TPH2: variants seen among roughly 807,000 people sequenced by gnomAD.
TPH2 encodes the protein tryptophan 5-hydroxylase 2.
Under a neutral mutation model 59.1 loss-of-function variants are expected in TPH2, and 27 were observed. The ratio of observed to expected loss-of-function variants is 0.46; its 90% CI spans 0.34 to 0.63. The LOEUF (loss-of-function observed/expected upper bound fraction) is 0.63, where lower values mean the gene tolerates loss of function less well. Ranked by LOEUF, TPH2 falls within the 30% of genes least tolerant of loss-of-function variation. The pLI is 0.01. For synonymous variants in TPH2, 220 were observed against 210.5 expected (o/e 1.05, Z -0.39); for missense variants, 523 against 588.3 (o/e 0.89, Z 1.15).
chr12:71,953,644 G>A (rs996194751), intron 5 of TPH2, among the ~76,000 whole-genome samples: 2 of 152,172 alleles, frequency 1.3e-5, no homozygotes, highest in Admixed American at 6.5e-5. Flanking sequence ...ATTTAAGTGT[G>A]CAACAACCTG....
At chr12:71,997,427 TAC>T (rs917261655) in intron 8 of TPH2, among the ~76,000 whole-genome samples, 17 of 152,318 alleles carry the variant, frequency 1.1e-4, no homozygotes, top group African/African-American at 3.6e-4. Context: ...TTTCTACTTT[TAC>T]ACTTTCTGGG....
intron 5 of TPH2, among the ~76,000 whole-genome samples, chr12:71,955,542 T>C (rs1871470552): frequency 1.3e-5 from 2 of 152,206 alleles, no homozygotes; most frequent in Admixed American, 6.5e-5. Context: ...ATCCCAGCTT[T>C]ACCATTTACT....
chr12:71,941,304 G>A (rs1008252638), intron 1 of TPH2, among the ~76,000 whole-genome samples: 3 of 152,072 alleles, frequency 2.0e-5, no homozygotes, highest in South Asian at 2.1e-4. Flanking sequence ...CAGGCGTTAC[G>A]ACAGTCAGGT....
At chr12:71,948,513 C>A (rs1172422635) in intron 4 of TPH2, among the ~76,000 whole-genome samples, 1 of 152,134 alleles carries the variant, frequency 6.6e-6, no homozygotes, top group African/African-American at 2.4e-5. Context: ...TCCAGCCAGG[C>A]AAGAGAGGGG....
intron 7 of TPH2, among the ~76,000 whole-genome samples, chr12:71,987,044 C>T (rs1030579472): frequency 6.6e-6 from 1 of 152,178 alleles, no homozygotes; most frequent in Admixed American, 6.5e-5. Flanking sequence ...TTCCCACACA[C>T]GTTCTGTTTG....
chr12:71,954,735 A>G (rs1319915476), intron 5 of TPH2, among the ~76,000 whole-genome samples: 1 of 152,206 alleles, frequency 6.6e-6, no homozygotes, highest in African/African-American at 2.4e-5. Context: ...TTGGGGGAAC[A>G]ATCAGTGATA....
intron 1 of TPH2, among the ~76,000 whole-genome samples, chr12:71,940,597 G>T (rs1386086829): frequency 6.6e-6 from 1 of 152,114 alleles, no homozygotes; most frequent in Middle Eastern, 3.2e-3. Context: ...TGCATATAAA[G>T]AATATAAAAC....
At chr12:72,009,495 A>G (rs1321986034) in intron 8 of TPH2, among the ~76,000 whole-genome samples, 1 of 152,228 alleles carries the variant, frequency 6.6e-6, no homozygotes, top group Non-Finnish European at 1.5e-5. Context: ...GTGCTTTGTA[A>G]TATGGCTTTT....
Position 71,938,886 on chromosome 12 carries a change from C to A in TPH2, c.-101C>A. On this transcript the variant is annotated 5_prime_UTR_variant, in exon 1 of 11. Coordinates refer to ENST00000333850, the MANE Select transcript of TPH2 (RefSeq NM_173353.4). ...CCAGGGTTCTGGACAGCGCCCCAAG[C>A]AGGCAGCTGATCGCACGCCCCTTCC... 1.0e-6 allele frequency: 1 copy of A among 985,194 alleles called. No individual in the cohort carries two copies. Among genetic ancestry groups the A allele is most frequent in the Non-Finnish European group, 1.6e-6 (1 of 616,938 alleles). The allele number at this position is 985,194 out of a possible 1,614,324, so 61.0% of individuals were successfully genotyped here.
At chr12:72,026,192 C>T (rs1242848420) in intron 9 of TPH2, among the ~76,000 whole-genome samples, 1 of 151,474 alleles carries the variant, frequency 6.6e-6, no homozygotes, top group Admixed American at 6.6e-5. Flanking sequence ...ATCTTTCAGG[C>T]CAGAGATTAG....
chr12:71,998,104 G>T (rs570199369), intron 8 of TPH2, among the ~76,000 whole-genome samples: 20 of 152,284 alleles, frequency 1.3e-4, no homozygotes, highest in African/African-American at 4.6e-4. Flanking sequence ...TAACATAAAT[G>T]CTTTAAATGC....
chr12:71,992,063 GCTC>G, intron 7 of TPH2, among the ~76,000 whole-genome samples: 1 of 152,294 alleles, frequency 6.6e-6, no homozygotes, highest in East Asian at 1.9e-4. Flanking sequence ...TTTTTAAAAT[GCTC>G]CTCAAGTGAT....
chr12:71,989,965 T>A (rs199654614), intron 7 of TPH2, among the ~76,000 whole-genome samples: 8 of 134,776 alleles, frequency 5.9e-5, no homozygotes, highest in South Asian at 4.9e-4. Flanking sequence ...TTTTTTTTTT[T>A]AAATAAAAAG....
intron 8 of TPH2, among the ~76,000 whole-genome samples, chr12:72,018,127 A>C (rs773746719): frequency 3.3e-5 from 5 of 152,220 alleles, no homozygotes; most frequent in Non-Finnish European, 7.3e-5. Context: ...GGGCTGTAGA[A>C]ACAGCATTTA....
intron 7 of TPH2, among the ~76,000 whole-genome samples, chr12:71,982,926 A>T (rs1872324868): frequency 6.6e-6 from 1 of 152,220 alleles, no homozygotes. Context: ...TGGATTTTAA[A>T]CATATCTTTG....
intron 8 of TPH2, among the ~76,000 whole-genome samples, chr12:72,003,853 T>C (rs574029918): frequency 9.8e-5 from 15 of 152,340 alleles, no homozygotes; most frequent in Admixed American, 7.2e-4. Flanking sequence ...TCTTTCTTTG[T>C]TATTTAGAAC....
chr12:71,956,397 C>G (rs1871497480), intron 5 of TPH2, among the ~76,000 whole-genome samples: 1 of 150,650 alleles, frequency 6.6e-6, no homozygotes, highest in African/African-American at 2.4e-5. Flanking sequence ...TAACTTGTTC[C>G]CTCCCTCCCT....
chr12:71,960,113 C>T (rs888791702), intron 5 of TPH2, among the ~76,000 whole-genome samples: 3 of 152,148 alleles, frequency 2.0e-5, no homozygotes, highest in African/African-American at 4.8e-5. Context: ...TTTAATTTCT[C>T]TGAAATGAAG....
intron 8 of TPH2, among the ~76,000 whole-genome samples, chr12:72,016,073 C>A (rs1257138815): frequency 6.6e-6 from 1 of 152,158 alleles, no homozygotes; most frequent in Non-Finnish European, 1.5e-5. Context: ...ATTCCTAGCT[C>A]TGGCAACCAC....
Sources: gnomAD v4.1 joint callset for allele counts (sites outside exome capture counted in the v4.1 genomes callset) on GRCh38, gnomAD v4.1.1 for gene constraint, MANE v1.5 for transcripts, NCBI Gene and HGNC (gene_info 2026-07-23, HGNC 2026-07-21) for gene names.